The following SLC9B1 variants were observed in gnomAD, a reference collection of about 807,000 sequenced individuals.
The protein encoded by SLC9B1 is sodium/hydrogen exchanger 9B1.
Under a neutral mutation model 51.7 loss-of-function variants are expected in SLC9B1, and 32 were observed. That is an observed-to-expected ratio of 0.62 (90% CI 0.47 to 0.83). SLC9B1 has a LOEUF of 0.83. Among genes scored for constraint, SLC9B1 ranks in the 40% least tolerant of loss-of-function variants. The pLI is 0.00. For synonymous variants in SLC9B1, 145 were observed against 212.7 expected, an observed-to-expected ratio of 0.68 and a Z score of 2.77; for missense variants, 406 against 613.2, an observed-to-expected ratio of 0.66 and a Z score of 3.57.
At chr4:102,952,068 C>T (rs1578375065) in intron 3 of SLC9B1, among the ~76,000 whole-genome samples, 1 of 7,650 alleles carries the variant, frequency 1.3e-4, no homozygotes, top group Non-Finnish European at 2.3e-4. Context: ...GCTGCACCCA[C>T]TAATGTGTCA....
chr4:102,901,351 A>G lies in SLC9B1; in HGVS notation c.1333-19T>C. ...ACACAGCCTGCATTTAGGGGTAAAAATGGGGCATAAAGAAAAATATTAAAC... is the reference window on the plus strand; with the variant it reads ...ACACAGCCTGCATTTAGGGGTAAAAGTGGGGCATAAAGAAAAATATTAAAC... On this transcript the variant is annotated intron_variant, in intron 11 of 11. Coordinates refer to ENST00000296422, the MANE Select transcript of SLC9B1 (RefSeq NM_139173.4). The G allele has an allele frequency of 6.2e-7, 1 of 1,610,974 alleles. No homozygotes were observed. Among genetic ancestry groups the G allele is most frequent in the Admixed American group, 1.7e-5 (1 of 60,006 alleles).
chr4:102,968,254 A>C (rs1738536935), intron 3 of SLC9B1, among the ~76,000 whole-genome samples: 1 of 152,196 alleles, frequency 6.6e-6, no homozygotes, highest in Non-Finnish European at 1.5e-5. Flanking sequence ...TAGGAAAAAG[A>C]TGTTCTTTCA....
intron 4 of SLC9B1, among the ~76,000 whole-genome samples, chr4:102,948,279 T>G (rs1162898831): frequency 2.0e-5 from 3 of 148,134 alleles, no homozygotes; most frequent in Non-Finnish European, 3.0e-5. Flanking sequence ...CCCTAACACA[T>G]TCCATGAATC....
intron 11 of SLC9B1, among the ~76,000 whole-genome samples, chr4:102,885,717 T>C (rs1280513018): frequency 6.6e-6 from 1 of 152,114 alleles, no homozygotes; most frequent in Non-Finnish European, 1.5e-5. Flanking sequence ...GGACCTAAGG[T>C]TTAATGGAAA....
intron 4 of SLC9B1, among the ~76,000 whole-genome samples, chr4:102,947,063 TC>T (rs1333370743): frequency 1.3e-5 from 2 of 151,824 alleles, no homozygotes; most frequent in East Asian, 3.9e-4. Flanking sequence ...TAGAAAGGTC[TC>T]CCCCCACTTT....
intron 3 of SLC9B1, among the ~76,000 whole-genome samples, chr4:102,986,679 T>C (rs1475051058): frequency 2.0e-5 from 3 of 152,218 alleles, no homozygotes; most frequent in Non-Finnish European, 2.9e-5. Flanking sequence ...TATTTTTTTC[T>C]CTTTGCTTTT....
intron 1 of SLC9B1, among the ~76,000 whole-genome samples, chr4:102,995,967 G>A (rs1431502973): frequency 6.6e-6 from 1 of 152,080 alleles, no homozygotes; most frequent in Non-Finnish European, 1.5e-5. Context: ...TCAAACTATG[G>A]ATGCAGGAAA....
At chr4:102,929,124 T>C (rs1253615360) in intron 7 of SLC9B1, among the ~76,000 whole-genome samples, 1 of 152,236 alleles carries the variant, frequency 6.6e-6, no homozygotes, top group Non-Finnish European at 1.5e-5. Context: ...AACAATACTT[T>C]GGATCCTTCA....
chr4:102,984,971 G>A (rs1739540294), intron 3 of SLC9B1, among the ~76,000 whole-genome samples: 2 of 152,108 alleles, frequency 1.3e-5, no homozygotes, highest in Admixed American at 1.3e-4. Flanking sequence ...GCATACCAAT[G>A]AGCCTGGCTT....
intron 11 of SLC9B1, chr4:102,889,558 T>G (rs552606339): frequency 6.6e-6 from 1 of 152,252 alleles, no homozygotes; most frequent in African/African-American, 2.4e-5. Context: ...TCAAATAACA[T>G]TGAAAATGAA....
Position 103,018,971 on chromosome 4 carries a change from C to T in SLC9B1, c.-2+628G>A, listed in dbSNP as rs529952634. Among the ~76,000 whole-genome samples the T allele has an allele frequency of 3.9e-5, 6 of 152,262 alleles. No individual in the cohort carries two copies. The South Asian group carries it at 8.3e-4, about 21-fold the overall frequency. On this transcript the variant is annotated intron_variant, in intron 1 of 11. Coordinates refer to ENST00000296422, the MANE Select transcript of SLC9B1 (RefSeq NM_139173.4). ...CTGCGCATGTGAGGGATCTAAATTG[C>T]GCCTTCTCAAGAGAATCTAATGCCT... is the stretch of plus-strand genomic sequence containing the variant.
At chr4:102,965,331 C>G (rs1442938624) in intron 3 of SLC9B1, among the ~76,000 whole-genome samples, 3 of 152,136 alleles carry the variant, frequency 2.0e-5, no homozygotes, top group Admixed American at 2.0e-4. Flanking sequence ...TGCATCACAA[C>G]ATGGCAGAAG....
intron 7 of SLC9B1, among the ~76,000 whole-genome samples, chr4:102,927,497 G>A (rs1220873838): frequency 1.3e-5 from 2 of 152,186 alleles, no homozygotes; most frequent in Admixed American, 1.3e-4. Context: ...CTGGTCATCA[G>A]AGAAATGCAA....
intron 7 of SLC9B1, among the ~76,000 whole-genome samples, chr4:102,918,729 T>C (rs1735712279): frequency 6.6e-6 from 1 of 152,216 alleles, no homozygotes; most frequent in African/African-American, 2.4e-5. Flanking sequence ...ATAGTGAATA[T>C]AGTGACCTCA....
chr4:102,969,258 C>T (rs1329185917), intron 3 of SLC9B1, among the ~76,000 whole-genome samples: 7 of 152,142 alleles, frequency 4.6e-5, no homozygotes, highest in Admixed American at 2.0e-4. Context: ...CTCATATAGC[C>T]GGGTGTCCCT....
At chr4:102,903,616 A>G (rs535077621) in intron 11 of SLC9B1, among the ~76,000 whole-genome samples, 1 of 152,384 alleles carries the variant, frequency 6.6e-6, no homozygotes, top group African/African-American at 2.4e-5. Context: ...TTGCATGAAA[A>G]TTTAGGAGCT....
intron 1 of SLC9B1, among the ~76,000 whole-genome samples, chr4:103,016,191 G>A (rs1386100595): frequency 7.1e-6 from 1 of 141,120 alleles, no homozygotes; most frequent in African/African-American, 2.7e-5. Flanking sequence ...TCCTACCTAA[G>A]GCCAATACTT....
chr4:103,002,799 G>C (rs1740594016), intron 1 of SLC9B1, among the ~76,000 whole-genome samples: 1 of 152,096 alleles, frequency 6.6e-6, no homozygotes, highest in Non-Finnish European at 1.5e-5. Context: ...TCTGCCAGAT[G>C]ATTATCAAAC....
chr4:102,946,598 T>C, intron 5 of SLC9B1, 49 bp downstream of exon 5: 8 of 1,570,626 alleles, frequency 5.1e-6, no homozygotes, highest in Non-Finnish European at 6.9e-6. Flanking sequence ...TTTCTCACCG[T>C]CCTCTAATAT....
Sources: allele counts gnomAD v4.1 joint callset (sites outside exome capture counted in the v4.1 genomes callset), GRCh38; gene constraint gnomAD v4.1.1; transcripts MANE v1.5; gene names NCBI Gene and HGNC (gene_info 2026-07-23, HGNC 2026-07-21).